The following SLC24A3 variants were observed in gnomAD, a reference collection of about 807,000 sequenced individuals.
SLC24A3 encodes the protein solute carrier family 24 member 3, also known as sodium/potassium/calcium exchanger 3.
A neutral mutation model predicts 75.8 loss-of-function variants in SLC24A3; 28 were observed. That is an observed-to-expected ratio of 0.37 (90% CI 0.27 to 0.51). The LOEUF (loss-of-function observed/expected upper bound fraction) is 0.51, where lower values mean the gene tolerates loss of function less well. SLC24A3 is among the 20% of genes least tolerant of loss of function. The probability of loss-of-function intolerance (pLI) is 0.94; values close to 1 mark genes in which losing one functional copy is unlikely to be tolerated. For missense variants in SLC24A3, 663 were observed against 847.8 expected, an observed-to-expected ratio of 0.78 and a Z score of 2.71; for synonymous variants, 372 against 334.1, an observed-to-expected ratio of 1.11 and a Z score of -1.24.
At chr20:19,592,021 A>C (rs117437903) in intron 6 of SLC24A3, among the ~76,000 whole-genome samples, 5 of 152,278 alleles carry the variant, frequency 3.3e-5, no homozygotes, top group Non-Finnish European at 7.4e-5. Context: ...TTTGTAAGAA[A>C]CCACCAACAG....
At chr20:19,504,983 G>A (rs2122546366) in intron 2 of SLC24A3, among the ~76,000 whole-genome samples, 1 of 152,326 alleles carries the variant, frequency 6.6e-6, no homozygotes, top group Non-Finnish European at 1.5e-5. Context: ...TCAAAGACAT[G>A]AGCAGCACTG....
At chr20:19,502,356 C>T (rs1057055461) in intron 2 of SLC24A3, among the ~76,000 whole-genome samples, 1 of 152,126 alleles carries the variant, frequency 6.6e-6, no homozygotes, top group African/African-American at 2.4e-5. Flanking sequence ...TCCACGCGGC[C>T]CAGGGAAAAC....
At chr20:19,227,367 T>C (rs1981895754) in intron 1 of SLC24A3, among the ~76,000 whole-genome samples, 1 of 151,464 alleles carries the variant, frequency 6.6e-6, no homozygotes, top group Non-Finnish European at 1.5e-5. Context: ...TGTTTTACTT[T>C]GCCGTATTTC....
At chr20:19,449,450 AC>A (rs752351432) in intron 2 of SLC24A3, among the ~76,000 whole-genome samples, 6 of 152,208 alleles carry the variant, frequency 3.9e-5, no homozygotes, top group Non-Finnish European at 8.8e-5. Context: ...GATCAACCTG[AC>A]AGAGTCCTAG....
chr20:19,238,169 G>C (rs545050313), intron 1 of SLC24A3, among the ~76,000 whole-genome samples: 1 of 152,074 alleles, frequency 6.6e-6, no homozygotes, highest in Non-Finnish European at 1.5e-5. Flanking sequence ...TGGTCCTTCC[G>C]AGTCACCCCC....
intron 4 of SLC24A3, among the ~76,000 whole-genome samples, chr20:19,584,030 T>C (rs949920637): frequency 6.6e-6 from 1 of 152,172 alleles, no homozygotes; most frequent in African/African-American, 2.4e-5. Context: ...TAGGTGCCAC[T>C]GGGAAGAGAA....
intron 6 of SLC24A3, among the ~76,000 whole-genome samples, chr20:19,609,642 T>A (rs982385986): frequency 2.0e-5 from 3 of 152,186 alleles, no homozygotes; most frequent in Non-Finnish European, 4.4e-5. Flanking sequence ...AGAACCTAAA[T>A]TTTTAAGAAA....
intron 3 of SLC24A3, among the ~76,000 whole-genome samples, chr20:19,570,529 T>G (rs1340627631): frequency 4.6e-5 from 7 of 152,020 alleles, no homozygotes; most frequent in Admixed American, 4.6e-4. Flanking sequence ...TCTTCTGGAG[T>G]GATGCTAGGG....
At position 19,696,921 on chromosome 20, in the gene SLC24A3, C is replaced by T. The variant is rs2032813487; in HGVS notation, c.1606+10C>T. On this transcript the variant is annotated intron_variant, in intron 14 of 16. Transcript: ENST00000328041. ...ATTGTGGCCAGACAAGGTGGGACTT[C>T]CAGTGGCAATGGGGAAGGAGGGAGG... 1 of 1,346,272 alleles carries T rather than the reference C, an allele frequency of 7.4e-7. No homozygotes were observed. Among genetic ancestry groups the T allele is most frequent in the Middle Eastern group, 2.1e-4 (1 of 4,812 alleles). The allele number at this position is 1,346,272 out of a possible 1,614,324, so 83.4% of individuals were successfully genotyped here. A position where few individuals can be genotyped will look rare whatever the true frequency, so the allele number is the denominator to read the frequency against.
intron 1 of SLC24A3, among the ~76,000 whole-genome samples, chr20:19,272,949 T>C (rs1983375720): frequency 6.6e-6 from 1 of 151,806 alleles, no homozygotes; most frequent in Non-Finnish European, 1.5e-5. Context: ...TCCTGGAGGG[T>C]CCAGGAAGGC....
chr20:19,639,811 A>G (rs1217862642), intron 6 of SLC24A3, among the ~76,000 whole-genome samples: 1 of 152,246 alleles, frequency 6.6e-6, no homozygotes, highest in Non-Finnish European at 1.5e-5. Flanking sequence ...AGAAATAGAC[A>G]GCAGCGCCGG....
At chr20:19,403,917 A>G (rs1185120238) in intron 2 of SLC24A3, among the ~76,000 whole-genome samples, 1 of 152,258 alleles carries the variant, frequency 6.6e-6, no homozygotes, top group African/African-American at 2.4e-5. Flanking sequence ...CAAACAAAAT[A>G]AAATGGGTAA....
chr20:19,429,941 A>G (rs953717493), intron 2 of SLC24A3, among the ~76,000 whole-genome samples: 3 of 152,106 alleles, frequency 2.0e-5, no homozygotes, highest in Non-Finnish European at 4.4e-5. Flanking sequence ...CACAGCTGAG[A>G]AAAAAAGAGG....
intron 2 of SLC24A3, among the ~76,000 whole-genome samples, chr20:19,364,288 C>G (rs1985845916): frequency 6.6e-6 from 1 of 152,040 alleles, no homozygotes; most frequent in African/African-American, 2.4e-5. Flanking sequence ...TCCCCTGAGT[C>G]TGATGGGACA....
chr20:19,647,169 C>A (rs1456667009), intron 6 of SLC24A3, among the ~76,000 whole-genome samples: 1 of 152,016 alleles, frequency 6.6e-6, no homozygotes, highest in East Asian at 1.9e-4. Context: ...AGGCATGTTC[C>A]ATCCACATGG....
chr20:19,566,659 A>G (rs2030963469), intron 3 of SLC24A3, among the ~76,000 whole-genome samples: 1 of 152,246 alleles, frequency 6.6e-6, no homozygotes, highest in South Asian at 2.1e-4. Flanking sequence ...TTATTCTACA[A>G]GAGAGGCCCT....
chr20:19,250,053 G>A (rs954411083), intron 1 of SLC24A3, among the ~76,000 whole-genome samples: 2 of 152,194 alleles, frequency 1.3e-5, no homozygotes, highest in Admixed American at 6.5e-5. Context: ...CAAGTGTACA[G>A]AGGAGATGTG....
intron 1 of SLC24A3, among the ~76,000 whole-genome samples, chr20:19,217,865 G>A (rs1231449446): frequency 1.3e-5 from 2 of 152,140 alleles, no homozygotes; most frequent in East Asian, 1.9e-4. Context: ...TACCTGGCTC[G>A]AGATCTTCCT....
intron 2 of SLC24A3, among the ~76,000 whole-genome samples, chr20:19,285,619 T>G (rs957407664): frequency 6.6e-5 from 10 of 151,948 alleles, no homozygotes; most frequent in African/African-American, 2.2e-4. Flanking sequence ...GCTCCAACTT[T>G]TCTTTGCAAT....
Sources: gnomAD v4.1 joint callset for allele counts (sites outside exome capture counted in the v4.1 genomes callset) on GRCh38, gnomAD v4.1.1 for gene constraint, MANE v1.5 for transcripts, NCBI Gene and HGNC (gene_info 2026-07-23, HGNC 2026-07-21) for gene names.